The following TRPC4AP variants were observed in gnomAD, a reference collection of about 807,000 sequenced individuals.
TRPC4AP encodes the protein transient receptor potential cation channel subfamily C member 4 associated protein, also known as short transient receptor potential channel 4-associated protein.
In TRPC4AP, 45 loss-of-function variants were observed where a neutral mutation model predicts 99.0. That is an observed-to-expected ratio of 0.45 (90% confidence interval 0.36 to 0.58). The LOEUF (loss-of-function observed/expected upper bound fraction) is 0.58. Ranked by LOEUF, TRPC4AP falls within the 20% of genes least tolerant of loss-of-function variation. TRPC4AP has a pLI of 0.00. For synonymous variants in TRPC4AP, 408 were observed against 385.8 expected, an observed-to-expected ratio of 1.06 and a Z score of -0.67; for missense variants, 879 against 985.3, an observed-to-expected ratio of 0.89 and a Z score of 1.44.
rs780696459 is a variant in TRPC4AP at position 35,021,220 on chromosome 20, G to A, written c.1188C>T (p.Cys396=). 24 of 1,613,672 alleles carry A rather than the reference G, an allele frequency of 1.5e-5. No individual in the cohort carries two copies. The highest frequency in any genetic ancestry group is 1.6e-4 in the Middle Eastern group (1 of 6,082). ...MYKLEVLYVL[C]VLLMGRQRNQ... ...TTCGCTGACGCCCCATCAGCAGCAC[G>A]CAGAGGACATAGAGCACTTCCAGTT... The change falls in exon 9 of 19, where the codon TGC becomes TGT. Residue 396 remains cysteine (C), a synonymous_variant. Transcript: ENST00000252015.
chr20:35,068,978 C>CAAAAA (rs1555914270), intron 3 of TRPC4AP, among the ~76,000 whole-genome samples: 1,346 of 95,092 alleles, frequency 0.014, 49 homozygotes, highest in African/African-American at 0.05. Flanking sequence ...CACACACACA[C>CAAAAA]AAAAAAAACA....
At chr20:35,057,737 G>C (rs7354641) in intron 3 of TRPC4AP, among the ~76,000 whole-genome samples, 166 bp from the exon 4 acceptor site, 3 of 152,166 alleles carry the variant, frequency 2.0e-5, no homozygotes, top group Non-Finnish European at 4.4e-5. Context: ...CAGCAAGTCA[G>C]GAGACCCAGG....
chr20:35,023,764 A>G (rs1307507239), intron 8 of TRPC4AP, among the ~76,000 whole-genome samples: 2 of 152,132 alleles, frequency 1.3e-5, no homozygotes, highest in East Asian at 3.8e-4. Flanking sequence ...ATGGTGCTCT[A>G]GGGAGTCCTG....
rs890124257 is a variant in TRPC4AP at position 35,071,000 on chromosome 20, C to T, written c.298-1588G>A. Among the ~76,000 whole-genome samples the T allele has an allele frequency of 4.8e-4, 73 of 152,054 alleles. 1 individual carries two copies. Among genetic ancestry groups the T allele is most frequent in the Admixed American group, 4.3e-3 (65 of 15,280 alleles). ...TAATTTCCCTCCCCTTTAACTTCAC[C>T]TCAATCTCCTGAGATTTTGCAAGAA... On this transcript the variant is annotated intron_variant, in intron 2 of 18. Coordinates refer to ENST00000252015, the MANE Select transcript of TRPC4AP (RefSeq NM_015638.3).
intron 2 of TRPC4AP, among the ~76,000 whole-genome samples, chr20:35,076,151 C>A (rs2084473897): frequency 6.6e-6 from 1 of 152,114 alleles, no homozygotes; most frequent in African/African-American, 2.4e-5. Context: ...TTCTAGTTAG[C>A]CATTCGTCTA....
intron 12 of TRPC4AP, 44 bp from the exon 13 acceptor site, chr20:35,008,791 C>G (rs1189998152): frequency 6.3e-7 from 1 of 1,576,684 alleles, no homozygotes; most frequent in Non-Finnish European, 8.7e-7. Context: ...GAGAGGCTGA[C>G]AGGGGCCCTG....
chr20:35,023,405 T>G (rs75632179), intron 8 of TRPC4AP, among the ~76,000 whole-genome samples: 4,612 of 152,294 alleles, frequency 0.03, 97 homozygotes, highest in Middle Eastern at 0.071. Flanking sequence ...AGAAGTTAAG[T>G]TCTCAGAAAA....
chr20:35,007,522 C>G, intron 14 of TRPC4AP, 28 bp downstream of exon 14: 1 of 1,612,434 alleles, frequency 6.2e-7, no homozygotes. Flanking sequence ...GAGACGGAAC[C>G]CAAGACACTG....
chr20:35,063,150 A>G (rs2084051273), intron 3 of TRPC4AP, among the ~76,000 whole-genome samples: 1 of 152,166 alleles, frequency 6.6e-6, no homozygotes, highest in Non-Finnish European at 1.5e-5. Context: ...AGTGTCTGGC[A>G]TTTCCCCTGC....
intron 3 of TRPC4AP, among the ~76,000 whole-genome samples, chr20:35,068,846 A>G (rs899448405): frequency 2.0e-4 from 30 of 151,884 alleles, no homozygotes; most frequent in Admixed American, 5.2e-4. Context: ...AAAAAAAAAA[A>G]AAGAAGAAGA....
At chr20:35,090,912 A>C (rs1415466714) in intron 1 of TRPC4AP, among the ~76,000 whole-genome samples, 2 of 142,920 alleles carry the variant, frequency 1.4e-5, no homozygotes, top group Non-Finnish European at 3.0e-5. Flanking sequence ...TTGAGGATTA[A>C]AGATAACATA....
Position 35,078,058 on chromosome 20 carries a change from T to G in TRPC4AP, c.285A>C (p.Gln95His), listed in dbSNP as rs112103992. 2.5e-6 allele frequency: 4 copies of G among 1,613,402 alleles called. No homozygotes were observed. The highest frequency in any genetic ancestry group is 3.4e-6 in the Non-Finnish European group (4 of 1,179,468). ...SHLHSDFVEC[Q>H]NILKEISPLL... The stretch of plus-strand genomic sequence containing the variant: ...CCTTAAGAGTTACCTTGAGGATGTT[T>G]TGACACTCAACAAAGTCACTGTGGA... The change falls in exon 2 of 19, where the codon CAA (glutamine) becomes CAC (histidine). Residue 95 changes from glutamine to histidine, a missense_variant. Gln to His is a conservative substitution (Grantham distance 24, BLOSUM62 0). Around this residue, in one of 3 missense-constraint regions of TRPC4AP, gnomAD observed 603 missense variants for 631.8 expected, o/e 0.95. Coordinates refer to ENST00000252015, the MANE Select transcript of TRPC4AP (RefSeq NM_015638.3).
intron 16 of TRPC4AP, among the ~76,000 whole-genome samples, chr20:35,005,091 G>A (rs2082490435): frequency 1.3e-5 from 2 of 152,184 alleles, no homozygotes; most frequent in Non-Finnish European, 1.5e-5. Flanking sequence ...GGCAATAACC[G>A]AAGGTACCAA....
At chr20:35,026,292 G>A (rs2083029763) in intron 8 of TRPC4AP, among the ~76,000 whole-genome samples, 1 of 151,208 alleles carries the variant, frequency 6.6e-6, no homozygotes, top group Non-Finnish European at 1.5e-5. Context: ...ACAGGTTACT[G>A]CAGCCTCAAA....
chr20:35,058,224 C>T (rs1236415512), intron 3 of TRPC4AP, among the ~76,000 whole-genome samples: 3 of 152,116 alleles, frequency 2.0e-5, no homozygotes, highest in South Asian at 2.1e-4. Context: ...AAGTTGGACA[C>T]GTTAATAACT....
intron 9 of TRPC4AP, among the ~76,000 whole-genome samples, chr20:35,018,029 T>C (rs1408695002): frequency 6.6e-6 from 1 of 152,210 alleles, no homozygotes; most frequent in Non-Finnish European, 1.5e-5. Flanking sequence ...CACCAAGCCA[T>C]GTGCCTTCCT....
intron 3 of TRPC4AP, 149 bp from the exon 4 acceptor site, chr20:35,057,720 C>T: frequency 3.5e-6 from 2 of 576,274 alleles, no homozygotes; most frequent in Non-Finnish European, 5.8e-6. Flanking sequence ...AGTAAGGCTC[C>T]TGACTGCAGC....
chr20:35,017,512 T>A (rs2082782595), intron 9 of TRPC4AP, among the ~76,000 whole-genome samples: 1 of 152,214 alleles, frequency 6.6e-6, no homozygotes, highest in Non-Finnish European at 1.5e-5. Context: ...CTCGGGGCTG[T>A]TGTAAGGATC....
At chr20:35,083,646 T>G (rs111735167) in intron 1 of TRPC4AP, among the ~76,000 whole-genome samples, 6,642 of 151,428 alleles carry the variant, frequency 0.044, 480 homozygotes, top group African/African-American at 0.15. Context: ...AACTTCCAAT[T>G]TATACTTCTA....
Sources: allele counts gnomAD v4.1 joint callset (sites outside exome capture counted in the v4.1 genomes callset), GRCh38; gene constraint gnomAD v4.1.1; regional missense constraint gnomAD v4.1.1; transcripts MANE v1.5; gene names NCBI Gene and HGNC (gene_info 2026-07-23, HGNC 2026-07-21).